RNLS: variants seen among roughly 807,000 people sequenced by gnomAD.
RNLS encodes the protein renalase, FAD dependent amine oxidase.
Under a neutral mutation model 39.8 loss-of-function variants are expected in RNLS, and 39 were observed. The ratio of observed to expected loss-of-function variants is 0.98; its 90% CI spans 0.76 to 1.28. The LOEUF (loss-of-function observed/expected upper bound fraction) is 1.28, where lower values mean the gene tolerates loss of function less well. RNLS is among the 50% of genes most tolerant of loss of function. The probability of loss-of-function intolerance (pLI) is 0.00; values close to 1 mark genes in which losing one functional copy is unlikely to be tolerated. For missense variants in RNLS, 410 were observed against 413.3 expected (o/e 0.99, Z 0.07); for synonymous variants, 147 against 150.7 (o/e 0.98, Z 0.18).
the RNLS span, among the ~76,000 whole-genome samples, chr10:88,231,942 CTGTG>C: frequency 0.48 from 71,125 of 149,670 alleles, 16,840 homozygotes; most frequent in East Asian, 0.55. Context: ...CACAGGATTT[CTGTG>C]TGTGTGTGTG....
intron 4 of RNLS, among the ~76,000 whole-genome samples, chr10:88,535,061 T>G (rs1340740079): frequency 6.6e-6 from 1 of 152,130 alleles, no homozygotes; most frequent in East Asian, 1.9e-4. Flanking sequence ...ATTTGTAACA[T>G]TTCATAATTA....
chr10:88,235,703 T>C, the RNLS span, among the ~76,000 whole-genome samples: 1 of 152,228 alleles, frequency 6.6e-6, no homozygotes, highest in Non-Finnish European at 1.5e-5. Flanking sequence ...TTTTTGTCAT[T>C]GTATGTATTC....
the RNLS span, among the ~76,000 whole-genome samples, chr10:88,240,281 T>C: frequency 6.6e-6 from 1 of 152,212 alleles, no homozygotes; most frequent in East Asian, 1.9e-4. Context: ...TTTGGGCTAG[T>C]GCAACAAATC....
chr10:88,308,589 C>A (rs1327164018), intron 6 of RNLS, among the ~76,000 whole-genome samples: 1 of 152,088 alleles, frequency 6.6e-6, no homozygotes, highest in Non-Finnish European at 1.5e-5. Context: ...TGAAATCTCA[C>A]ACCAGTCAGA....
chr10:88,172,839 GTTGTTTTTTTTTTTTTTTT>G, the RNLS span, among the ~76,000 whole-genome samples: 1 of 31,510 alleles, frequency 3.2e-5, no homozygotes, highest in Admixed American at 4.9e-4. Flanking sequence ...TGCATTTTGA[GTTGTTTTTTTTTTTTTTTT>G]TTTTTTTTTT....
At chr10:88,323,718 C>G (rs772928054) in intron 5 of RNLS, among the ~76,000 whole-genome samples, 4 of 152,022 alleles carry the variant, frequency 2.6e-5, no homozygotes, top group Admixed American at 6.6e-5. Flanking sequence ...ACTAAGACCT[C>G]AAGAGCAAAT....
chr10:88,392,854 C>T (rs904892377), intron 4 of RNLS, among the ~76,000 whole-genome samples: 1 of 152,188 alleles, frequency 6.6e-6, no homozygotes, highest in Non-Finnish European at 1.5e-5. Context: ...AAGTGGGCTT[C>T]ATCCCTGGGA....
At chr10:88,310,824 A>AAAAAAAAAAAAAAAAAAGG (rs1217903555) in intron 6 of RNLS, among the ~76,000 whole-genome samples, 3 of 113,400 alleles carry the variant, frequency 2.6e-5, no homozygotes, top group Admixed American at 2.0e-4. Flanking sequence ...AAAAAAAAAA[A>AAAAAAAAAAAAAAAAAAGG]AAAGAAAGAA....
chr10:88,378,639 A>G (rs1851216538), intron 4 of RNLS, among the ~76,000 whole-genome samples: 2 of 152,140 alleles, frequency 1.3e-5, no homozygotes, highest in Non-Finnish European at 2.9e-5. Context: ...AAAGGCCAGG[A>G]AGAATCTAAA....
chr10:88,372,689 T>C (rs546438723), intron 4 of RNLS, among the ~76,000 whole-genome samples: 4 of 152,302 alleles, frequency 2.6e-5, no homozygotes, highest in South Asian at 2.1e-4. Context: ...TGCTAATCAC[T>C]ATAAAAAATC....
At chr10:88,484,429 T>C (rs1844373587) in intron 4 of RNLS, among the ~76,000 whole-genome samples, 1 of 152,018 alleles carries the variant, frequency 6.6e-6, no homozygotes, top group Non-Finnish European at 1.5e-5. Context: ...TCCTCACTCA[T>C]CTATGATAAT....
chr10:88,340,306 A>AT (rs1847836881), intron 5 of RNLS, among the ~76,000 whole-genome samples: 1 of 152,110 alleles, frequency 6.6e-6, no homozygotes, highest in Non-Finnish European at 1.5e-5. Context: ...CCTCTCCATC[A>AT]TTTTTTAGGC....
At chr10:88,259,756 G>A in the RNLS span, among the ~76,000 whole-genome samples, 1 of 152,112 alleles carries the variant, frequency 6.6e-6, no homozygotes, top group East Asian at 1.9e-4. Context: ...TGTTGTTGTT[G>A]TTCTTTGAGA....
chr10:88,337,081 T>C (rs775869331), intron 5 of RNLS, among the ~76,000 whole-genome samples: 1 of 152,150 alleles, frequency 6.6e-6, no homozygotes, highest in Non-Finnish European at 1.5e-5. Flanking sequence ...AAAAAATACA[T>C]TGCCCTCACA....
chr10:88,211,920 A>G, the RNLS span, among the ~76,000 whole-genome samples: 2 of 152,208 alleles, frequency 1.3e-5, no homozygotes, highest in Non-Finnish European at 2.9e-5. Flanking sequence ...TGCAATTCAG[A>G]TAAGAGATGA....
chr10:88,581,738 G>C (rs776288660), intron 2 of RNLS, 29 bp from the exon 3 acceptor site: 2 of 1,421,366 alleles, frequency 1.4e-6, no homozygotes, highest in Admixed American at 4.5e-5. Flanking sequence ...TATATTTAAT[G>C]TAATTATATA....
At chr10:88,292,497 T>C (rs1285585558) in intron 6 of RNLS, among the ~76,000 whole-genome samples, 1 of 151,118 alleles carries the variant, frequency 6.6e-6, no homozygotes, top group East Asian at 1.9e-4. Flanking sequence ...TACTTCAAAA[T>C]ATAAATGAGT....
At chr10:88,496,747 C>CA (rs1845198424) in intron 4 of RNLS, among the ~76,000 whole-genome samples, 1 of 152,054 alleles carries the variant, frequency 6.6e-6, no homozygotes, top group Non-Finnish European at 1.5e-5. Flanking sequence ...CTCTATGGCT[C>CA]AAGAAATGAT....
At chr10:88,531,883 G>T (rs1306906721) in intron 4 of RNLS, among the ~76,000 whole-genome samples, 1 of 151,984 alleles carries the variant, frequency 6.6e-6, no homozygotes, top group African/African-American at 2.4e-5. Flanking sequence ...GAAAATTTTA[G>T]ATCAGCTCTT....
Sources: allele counts gnomAD v4.1 joint callset (sites outside exome capture counted in the v4.1 genomes callset), GRCh38; gene constraint gnomAD v4.1.1; transcripts MANE v1.5; gene names NCBI Gene and HGNC (gene_info 2026-07-23, HGNC 2026-07-21).